NAV3: variants seen among roughly 807,000 people sequenced by gnomAD.
NAV3 encodes neuron navigator 3.
NAV3 carries 87 observed loss-of-function variants against 244.7 expected under a neutral mutation model. That is an observed-to-expected ratio of 0.36 (90% CI 0.30 to 0.42). NAV3 has a LOEUF of 0.42. NAV3 is among the 20% of genes least tolerant of loss of function. The pLI, the probability that NAV3 is intolerant of heterozygous loss-of-function variation, is 1.00. For synonymous variants in NAV3, 1,126 were observed against 1,042.2 expected (o/e 1.08, Z -1.55); for missense variants, 2,663 against 2,893.3 (o/e 0.92, Z 1.83).
At chr12:77,885,706 C>T (rs1883201634) in intron 1 of NAV3, among the ~76,000 whole-genome samples, 1 of 152,088 alleles carries the variant, frequency 6.6e-6, no homozygotes, top group Non-Finnish European at 1.5e-5. Flanking sequence ...TGTTAAGATG[C>T]ACTTCAATAC....
chr12:77,966,309 A>G lies in NAV3; in HGVS notation c.487+8A>G, dbSNP rs118149283. 9.7e-3 allele frequency: 15,590 copies of G among 1,605,342 alleles called. 115 individuals carry two copies. The highest frequency in any genetic ancestry group is 0.016 in the Middle Eastern group (94 of 6,030). ...AAGGTCTATCTGCTGAAGGTAAGAA[A>G]AAGAATGACTGAATTGTCACAAATG... On this transcript the variant is annotated splice_region_variant and intron_variant, in intron 4 of 39. Coordinates refer to ENST00000397909, the MANE Select transcript of NAV3 (RefSeq NM_001024383.2).
intron 2 of NAV3, among the ~76,000 whole-genome samples, chr12:77,809,827 C>T (rs546894590): frequency 4.6e-5 from 7 of 152,166 alleles, no homozygotes; most frequent in Non-Finnish European, 7.4e-5. Flanking sequence ...TGTTGTATGG[C>T]TTTTTTCATG....
At chr12:77,845,104 C>A (rs1876388724) in intron 1 of NAV3, among the ~76,000 whole-genome samples, 1 of 152,138 alleles carries the variant, frequency 6.6e-6, no homozygotes, top group African/African-American at 2.4e-5. Flanking sequence ...AAAATTTACA[C>A]ACAGTTTTGT....
intron 27 of NAV3, 129 bp downstream of exon 27, chr12:78,177,442 A>T (rs765054504): frequency 3.6e-5 from 42 of 1,165,596 alleles, no homozygotes; most frequent in Non-Finnish European, 5.0e-5. Context: ...GGACAGCATT[A>T]GTTTCTCTTT....
intron 1 of NAV3, among the ~76,000 whole-genome samples, chr12:77,848,119 C>A (rs1435686156): frequency 6.6e-6 from 1 of 152,100 alleles, no homozygotes; most frequent in Non-Finnish European, 1.5e-5. Context: ...TAAAAGATGG[C>A]CTTCTAATGA....
intron 9 of NAV3, among the ~76,000 whole-genome samples, chr12:78,045,577 G>T (rs1055510135): frequency 2.0e-5 from 3 of 152,158 alleles, no homozygotes; most frequent in African/African-American, 7.2e-5. Flanking sequence ...ACAGGCATGA[G>T]CCACTGCACC....
chr12:77,725,607 C>G lies in NAV3; in HGVS notation c.72+153341C>G, dbSNP rs550770733. Among the ~76,000 whole-genome samples, 3 of 151,636 alleles carry G rather than the reference C, an allele frequency of 2.0e-5. No individual in the cohort carries two copies. In the South Asian group the frequency reaches 6.2e-4, roughly 31 times the overall value. On this transcript the variant is annotated intron_variant, in intron 2 of 8. Transcript: ENST00000550042. Reference sequence around the variant, plus strand: ...GAAAGTGGTAGTTGTAGAGAGCTTGCTCGCAAACCATTCAAAATTTGGAAA... The same window carrying G: ...GAAAGTGGTAGTTGTAGAGAGCTTGGTCGCAAACCATTCAAAATTTGGAAA...
At chr12:77,748,440 A>G (rs1000922666) in intron 2 of NAV3, among the ~76,000 whole-genome samples, 3 of 152,204 alleles carry the variant, frequency 2.0e-5, no homozygotes, top group Non-Finnish European at 2.9e-5. Flanking sequence ...TTTAAATTAC[A>G]TTATACTTTT....
intron 2 of NAV3, among the ~76,000 whole-genome samples, chr12:77,733,271 C>T (rs951694612): frequency 2.0e-5 from 3 of 151,758 alleles, no homozygotes; most frequent in East Asian, 3.9e-4. Context: ...TAGGGCATGA[C>T]GAGTATTTGT....
chr12:77,989,649 C>A (rs547868948), intron 5 of NAV3, among the ~76,000 whole-genome samples: 6 of 152,016 alleles, frequency 3.9e-5, no homozygotes, highest in Non-Finnish European at 8.8e-5. Flanking sequence ...AAATAAAGGA[C>A]AAAAATCATG....
At chr12:77,757,198 A>G (rs573788639) in intron 2 of NAV3, among the ~76,000 whole-genome samples, 18 of 152,324 alleles carry the variant, frequency 1.2e-4, no homozygotes, top group South Asian at 6.2e-4. Flanking sequence ...GAGACTGCAC[A>G]TCGGTTCTTA....
At chr12:77,703,698 GT>G (rs1875664327) in intron 2 of NAV3, among the ~76,000 whole-genome samples, 1 of 152,204 alleles carries the variant, frequency 6.6e-6, no homozygotes, top group East Asian at 1.9e-4. Context: ...CTGGCCATAT[GT>G]GCACACCTTG....
intron 2 of NAV3, among the ~76,000 whole-genome samples, chr12:77,656,852 A>G (rs1592548323): frequency 6.6e-6 from 1 of 152,172 alleles, no homozygotes; most frequent in Non-Finnish European, 1.5e-5. Flanking sequence ...CTGCTCCTGA[A>G]TGACTACTGG....
intron 2 of NAV3, among the ~76,000 whole-genome samples, chr12:77,713,915 G>C (rs1036401695): frequency 3.3e-5 from 5 of 151,878 alleles, no homozygotes; most frequent in African/African-American, 1.2e-4. Context: ...TTATTTCCTG[G>C]CAAAATTATG....
intron 12 of NAV3, among the ~76,000 whole-genome samples, chr12:78,105,313 G>A (rs1241680139): frequency 6.6e-6 from 1 of 152,022 alleles, no homozygotes; most frequent in Non-Finnish European, 1.5e-5. Flanking sequence ...TGAAAATTTA[G>A]GTGAGCTATT....
chr12:77,854,583 GTGTA>G lies in NAV3; in HGVS notation c.243+22883_243+22886del, dbSNP rs879766697. ...CATGATAAGCCAATTGTGTGTATGT[GTGTA>G]TGTGTGTGTGTGTGTGTGTTTGTGT... On this transcript the variant is annotated intron_variant, in intron 1 of 39. Transcript: ENST00000397909. 4.9e-3 allele frequency among the ~76,000 whole-genome samples: 236 copies of G among 48,020 alleles called. 2 individuals are homozygous for G. The highest frequency in any genetic ancestry group is 0.029 in the Middle Eastern group (2 of 68). The allele number at this position is 48,020 out of a possible 152,430, so 31.5% of individuals were successfully genotyped here.
At chr12:77,904,560 G>T (rs1885742462) in intron 1 of NAV3, among the ~76,000 whole-genome samples, 1 of 152,124 alleles carries the variant, frequency 6.6e-6, no homozygotes, top group Non-Finnish European at 1.5e-5. Flanking sequence ...GAGTTAATGG[G>T]TGCAGCACAC....
At chr12:77,580,252 AC>A (rs1294694576) in intron 2 of NAV3, among the ~76,000 whole-genome samples, 416 of 130,098 alleles carry the variant, frequency 3.2e-3, no homozygotes, top group African/African-American at 0.011. Flanking sequence ...ACACACACAC[AC>A]ACACACACAA....
In NAV3 at chr12:78,210,811, G is replaced by T; in HGVS notation, c.*294G>T. 3.2e-6 allele frequency: 1 copy of T among 308,234 alleles called. No individual in the cohort carries two copies. The highest frequency in any genetic ancestry group is 5.0e-5 in the South Asian group (1 of 19,808). 19.1% of individuals were successfully genotyped at this position (308,234 alleles called of 1,614,324 possible). ...AGGGCAACTGAACAGATTGCACATGGGATAGCCAAACTGGACTTTCTTTGT... is the reference window on the plus strand; with the variant it reads ...AGGGCAACTGAACAGATTGCACATGTGATAGCCAAACTGGACTTTCTTTGT... On this transcript the variant is annotated 3_prime_UTR_variant, in exon 40 of 40. Coordinates refer to ENST00000397909, the MANE Select transcript of NAV3 (RefSeq NM_001024383.2).
Sources: allele counts gnomAD v4.1 joint callset (sites outside exome capture counted in the v4.1 genomes callset), GRCh38; gene constraint gnomAD v4.1.1; transcripts MANE v1.5; gene names NCBI Gene and HGNC (gene_info 2026-07-23, HGNC 2026-07-21).